ZGRF1: variants seen among roughly 807,000 people sequenced by gnomAD.
The protein encoded by ZGRF1 is 5'-3' DNA helicase ZGRF1.
A neutral mutation model predicts 203.5 loss-of-function variants in ZGRF1; 196 were observed. That is an observed-to-expected ratio of 0.96 (90% CI 0.86 to 1.08). The LOEUF (loss-of-function observed/expected upper bound fraction) is 1.08. Ranked by LOEUF, ZGRF1 falls within the 50% of genes least tolerant of loss-of-function variation. ZGRF1 has a pLI of 0.00. For missense variants in ZGRF1, 2,326 were observed against 2,416.3 expected (o/e 0.96, Z 0.78); for synonymous variants, 809 against 841.3 (o/e 0.96, Z 0.66).
At position 112,541,120 on chromosome 4, in the gene ZGRF1, C is replaced by T; in HGVS notation, c.5747G>A (p.Cys1916Tyr). Residue 1916 changes from cysteine (C) to tyrosine (Y), a missense_variant, in exon 25 of 28, where the codon TGT (cysteine) becomes TAT (tyrosine). By Grantham distance (194) the Cys-to-Tyr change is radical. Transcript: ENST00000505019. ...SPLLEWLPTLCFYNVKGLEQI... is the reference protein window; with the variant it reads ...SPLLEWLPTLYFYNVKGLEQI... ...TTCTAGTCCTTTAACATTATAAAAA[C>T]ACAGGGTTGGTAGCCATTCCAATAA... is the stretch of plus-strand genomic sequence containing the variant. The T allele has an allele frequency of 6.2e-7, 1 of 1,601,688 alleles. No individual in the cohort carries two copies. The highest frequency in any genetic ancestry group is 8.5e-7 in the Non-Finnish European group (1 of 1,173,494).
At chr4:112,630,527 AG>A (rs1310964723) in intron 3 of ZGRF1, among the ~76,000 whole-genome samples, 2 of 152,090 alleles carry the variant, frequency 1.3e-5, no homozygotes, top group African/African-American at 4.8e-5. Context: ...TCAAAAAAAA[AG>A]AACAGAATAT....
At position 112,580,210 on chromosome 4, in the gene ZGRF1, A is replaced by C. The variant is rs575520065; in HGVS notation, c.4438+1453T>G. 1.4e-3 allele frequency among the ~76,000 whole-genome samples: 170 copies of C among 124,838 alleles called. 45 individuals carry two copies. Among genetic ancestry groups the C allele is most frequent in the Admixed American group, 3.9e-3 (43 of 11,094 alleles). The allele number at this position is 124,838 out of a possible 152,430, so 81.9% of individuals were successfully genotyped here. ...CCTATTTAACAAATGTTGCTGGGAA[A>C]ACTGGCTAGCCATATGTAGAAAGCT... On this transcript the variant is annotated intron_variant, in intron 16 of 27. Transcript: ENST00000505019.
intron 3 of ZGRF1, among the ~76,000 whole-genome samples, chr4:112,631,562 C>T (rs1388865601): frequency 6.6e-6 from 1 of 151,900 alleles, no homozygotes; most frequent in African/African-American, 2.4e-5. Context: ...GTCCCAGCTA[C>T]TTGGGAGGCT....
chr4:112,619,826 G>A, intron 5 of ZGRF1, 136 bp from the exon 6 acceptor site: 2 of 924,122 alleles, frequency 2.2e-6, no homozygotes, highest in Non-Finnish European at 1.6e-6. Flanking sequence ...TTTAAAGTTT[G>A]TCAAAGTACA....
chr4:112,606,000 A>G lies in ZGRF1; in HGVS notation c.2802+8T>C. The G allele has an allele frequency of 1.3e-6, 2 of 1,556,266 alleles. No homozygotes were observed. The highest frequency in any genetic ancestry group is 8.8e-7 in the Non-Finnish European group (1 of 1,138,596). On this transcript the variant is annotated splice_region_variant and intron_variant, in intron 9 of 27. Transcript: ENST00000505019. ...GTTAAATAAATCGATGTTCTTCACA[A>G]ATTTTACCTTAGGGTCACAGGTTTT...
At chr4:112,625,456 G>T (rs916450096) in intron 3 of ZGRF1, among the ~76,000 whole-genome samples, 6 of 151,478 alleles carry the variant, frequency 4.0e-5, no homozygotes, top group African/African-American at 1.5e-4. Flanking sequence ...GCGGTGGCAG[G>T]CGCCTGTAGT....
rs748103344 is a variant in ZGRF1 at position 112,558,181 on chromosome 4, TAGA to T, written c.5086_5088del (p.Ser1696del). 1.9e-6 allele frequency: 3 copies of T among 1,608,242 alleles called. No homozygotes were observed. The highest frequency in any genetic ancestry group is 1.6e-4 in the Middle Eastern group (1 of 6,064). On this transcript the variant is annotated inframe_deletion, in exon 20 of 28. Transcript: ENST00000505019. ...AGTACTCTGTCAACAGCCACATTAG[TAGA>T]AGAAGAAATCAGAAGTTTCCACGGC...
At chr4:112,584,308 T>C (rs1746791684) in intron 14 of ZGRF1, 134 bp from the exon 15 acceptor site, 1 of 422,736 alleles carries the variant, frequency 2.4e-6, no homozygotes, top group Non-Finnish European at 4.1e-6. Context: ...ACTATATGAC[T>C]TAACTTTATC....
rs2046961701 is a variant in ZGRF1, at chr4:112,618,547, T to C, written c.1495A>G (p.Ile499Val). Reference protein sequence around the residue: ...SSNNSRISDDITDMISESKMD... With the variant: ...SSNNSRISDDVTDMISESKMD... ...TTACTTTCAGAAATCATGTCTGTAA[T>C]GTCATCAGAGATCCTAGAATTATTA... Residue 499 changes from isoleucine (I) to valine (V), a missense_variant, in exon 6 of 28, where the codon ATT (isoleucine) becomes GTT (valine). Transcript: ENST00000505019. The C allele has an allele frequency of 6.2e-7, 1 of 1,613,452 alleles. No homozygotes were observed. Among genetic ancestry groups the C allele is most frequent in the Non-Finnish European group, 8.5e-7 (1 of 1,179,746 alleles).
rs550451311 is a variant in ZGRF1, at chr4:112,566,874, A to G, written c.4439-3600T>C. On this transcript the variant is annotated intron_variant, in intron 16 of 27. Transcript: ENST00000505019. ...CATCCCATCCTCTTCCCCATCCCCA[A>G]TTGTACTGGGACAAATAGGGCCTAC... 5.9e-5 allele frequency among the ~76,000 whole-genome samples: 9 copies of G among 152,110 alleles called. 1 individual carries two copies. The highest frequency in any genetic ancestry group is 3.3e-4 in the Admixed American group (5 of 15,278).
chr4:112,612,612 C>A lies in ZGRF1; in HGVS notation c.2603-24G>T. ...CACTGTAATGGAGAAAAGAAATAAT[C>A]ATATCATTGTTATATATAGCAGTAC... On this transcript the variant is annotated intron_variant, in intron 6 of 27. Transcript: ENST00000505019. 2.0e-6 allele frequency: 3 copies of A among 1,465,816 alleles called. No individual in the cohort carries two copies. In the South Asian group the frequency reaches 3.5e-5, roughly 17 times the overall value. 90.8% of individuals were successfully genotyped at this position (1,465,816 alleles called of 1,614,324 possible).
chr4:112,633,379 G>A (rs2047476278), intron 1 of ZGRF1, 137 bp from the exon 2 acceptor site: 3 of 566,482 alleles, frequency 5.3e-6, no homozygotes, highest in Non-Finnish European at 6.2e-6. Flanking sequence ...AAACAGAGGT[G>A]TAATTATCTA....
intron 16 of ZGRF1, chr4:112,565,070 A>C: frequency 8.0e-7 from 1 of 1,252,272 alleles, no homozygotes; most frequent in Non-Finnish European, 1.2e-6. Flanking sequence ...GCCGCTCGCA[A>C]GAGTGTGCCC....
Position 112,581,775 on chromosome 4 carries a change from C to A in ZGRF1, c.4326G>T (p.Gln1442His). 1 of 1,461,074 alleles carries A rather than the reference C, an allele frequency of 6.8e-7. No individual in the cohort carries two copies. Among genetic ancestry groups the A allele is most frequent in the South Asian group, 1.4e-5 (1 of 70,898 alleles). The allele number at this position is 1,461,074 out of a possible 1,614,324, so 90.5% of individuals were successfully genotyped here. ...TAGTAAACTTCTTTAGTTTGCCATA[C>A]TGTTTTCTCTGAAAATCAAATCCTT... ...VRKGFDFQRK[Q>H]YGKLKKFTTV... is the part of the protein sequence containing the mutation. Residue 1442 changes from glutamine (Q) to histidine (H), a missense_variant, in exon 16 of 28, where the codon CAG (glutamine) becomes CAT (histidine). By Grantham distance (24) the Gln-to-His change is conservative (BLOSUM62 0). Coordinates refer to ENST00000505019, the MANE Select transcript of ZGRF1 (RefSeq NM_018392.5).
chr4:112,598,854 C>T (rs984345010), intron 10 of ZGRF1, among the ~76,000 whole-genome samples: 4 of 151,940 alleles, frequency 2.6e-5, no homozygotes, highest in African/African-American at 9.7e-5. Flanking sequence ...AGTTCAAGAC[C>T]AGCCTGGGCA....
Position 112,603,712 on chromosome 4 carries a change from T to C in ZGRF1, c.2803-15A>G, listed in dbSNP as rs374992309. 2.0e-4 allele frequency: 322 copies of C among 1,601,706 alleles called. 2 individuals are homozygous for C. The Middle Eastern group carries it at 3.2e-3, about 16-fold the overall frequency. On this transcript the variant is annotated splice_polypyrimidine_tract_variant and intron_variant, in intron 9 of 27. Transcript: ENST00000505019. ...AACTCAACAGGCTACAGGTAAATTA[T>C]TAAAAATAAGAACTGCATAACTATA... is the stretch of plus-strand genomic sequence containing the variant.
rs984855888 is a variant in ZGRF1, at chr4:112,617,972, A to G, written c.2070T>C (p.His690=). ...NKSKGINMNL[H]IPHIQNQIAE... is the part of the protein sequence containing the mutation. ...CAATCTGGTTTTGAATATGAGGAAT[A>G]TGTAAATTCATGTTTATACCTTTAG... The change falls in exon 6 of 28, where the codon CAT becomes CAC. Residue 690 remains histidine (H), a synonymous_variant. Coordinates refer to ENST00000505019, the MANE Select transcript of ZGRF1 (RefSeq NM_018392.5). 2 of 1,612,938 alleles carry G rather than the reference A, an allele frequency of 1.2e-6. No individual in the cohort carries two copies. Among genetic ancestry groups the G allele is most frequent in the Non-Finnish European group, 1.7e-6 (2 of 1,179,898 alleles).
At chr4:112,626,794 A>T (rs181678066) in intron 3 of ZGRF1, among the ~76,000 whole-genome samples, 18 of 151,944 alleles carry the variant, frequency 1.2e-4, no homozygotes, top group African/African-American at 4.3e-4. Flanking sequence ...AAATTTATTT[A>T]TTTATTTATT....
intron 3 of ZGRF1, among the ~76,000 whole-genome samples, chr4:112,630,835 C>T (rs939890247): frequency 6.6e-6 from 1 of 150,636 alleles, no homozygotes; most frequent in South Asian, 2.1e-4. Context: ...TGCAGTGAGC[C>T]GAGATCATGC....
Sources: gnomAD v4.1 joint callset for allele counts (sites outside exome capture counted in the v4.1 genomes callset) on GRCh38, gnomAD v4.1.1 for gene constraint, MANE v1.5 for transcripts, NCBI Gene and HGNC (gene_info 2026-07-23, HGNC 2026-07-21) for gene names.